NFATC2: variants seen among roughly 807,000 people sequenced by gnomAD.
NFATC2 encodes the protein nuclear factor of activated T cells 2, also known as nuclear factor of activated T-cells, cytoplasmic 2.
A neutral mutation model predicts 87.3 loss-of-function variants in NFATC2; 22 were observed. That is an observed-to-expected ratio of 0.25 (90% confidence interval 0.18 to 0.36). NFATC2 has a LOEUF of 0.36. Ranked by LOEUF, NFATC2 falls within the 10% of genes least tolerant of loss-of-function variation. The pLI is 1.00. For synonymous variants in NFATC2, 565 were observed against 542.2 expected (o/e 1.04, Z -0.58); for missense variants, 1,149 against 1,259.1 (o/e 0.91, Z 1.32).
chr20:51,466,560 AC>A (rs1365106455), intron 5 of NFATC2, among the ~76,000 whole-genome samples: 1 of 152,052 alleles, frequency 6.6e-6, no homozygotes, highest in Non-Finnish European at 1.5e-5. Context: ...ATGGAGCTGG[AC>A]CCTACCCCAC....
rs1986042070 is a variant in NFATC2, at chr20:51,388,876, CT to C, written c.*2619del. On this transcript the variant is annotated 3_prime_UTR_variant, in exon 11 of 11. Transcript: ENST00000371564. ...CATCTTTACCATTTAGACACCCCTA[CT>C]TTCTCATTCTCTTAGAGGATCTTAT... 1 of 152,192 alleles carries C rather than the reference CT, an allele frequency of 6.6e-6. No individual in the cohort carries two copies. The highest frequency in any genetic ancestry group is 2.1e-4 in the South Asian group (1 of 4,828). The allele number at this position is 152,192 out of a possible 1,614,324, so 9.4% of individuals were successfully genotyped here.
At position 51,523,890 on chromosome 20, in the gene NFATC2, C is replaced by G; in HGVS notation, c.351G>C (p.Pro117=). The change falls in exon 2 of 11, where the codon CCG becomes CCC. Residue 117 remains proline (P), a synonymous_variant. Transcript: ENST00000371564. The surrounding 1 kb of genome is among the most constrained non-coding windows in gnomAD (Gnocchi z 6.9). The stretch of plus-strand genomic sequence containing the variant: ...CCACTGCCTGGATCAGTTCGTGGGA[C>G]GGAGTGATCTCGATCCGAGGGCTCA... The part of the protein sequence containing the change: ...SGLSPRIEIT[P]SHELIQAVGP... 3 of 1,606,166 alleles carry G rather than the reference C, an allele frequency of 1.9e-6. No individual in the cohort carries two copies. Among genetic ancestry groups the G allele is most frequent in the Non-Finnish European group, 2.5e-6 (3 of 1,177,596 alleles).
chr20:51,467,001 G>C (rs886609431), intron 5 of NFATC2, among the ~76,000 whole-genome samples: 4 of 150,812 alleles, frequency 2.7e-5, no homozygotes, highest in African/African-American at 7.3e-5. Context: ...CAACCTGGGA[G>C]GTAGAGGTCA....
intron 5 of NFATC2, among the ~76,000 whole-genome samples, chr20:51,461,895 C>T (rs1308620334): frequency 6.6e-6 from 1 of 152,160 alleles, no homozygotes; most frequent in African/African-American, 2.4e-5. Context: ...GTGGGCAGAT[C>T]ACTTGAGGTC....
intron 3 of NFATC2, among the ~76,000 whole-genome samples, chr20:51,493,499 C>T (rs1414944566): frequency 6.6e-6 from 1 of 152,174 alleles, no homozygotes; most frequent in Non-Finnish European, 1.5e-5. Context: ...GGGAATGTCC[C>T]AGACTGACAC....
At chr20:51,492,030 G>T (rs2075899951) in intron 3 of NFATC2, among the ~76,000 whole-genome samples, 1 of 151,776 alleles carries the variant, frequency 6.6e-6, no homozygotes, top group Non-Finnish European at 1.5e-5. Context: ...AACACCCCTT[G>T]TTCACTGGCC....
At chr20:51,475,018 G>A (rs141885330) in intron 4 of NFATC2, among the ~76,000 whole-genome samples, 1,568 of 150,504 alleles carry the variant, frequency 0.01, 15 homozygotes, top group Middle Eastern at 0.045. Context: ...ACCCAGGCTG[G>A]AGTGCAGTAG....
intron 6 of NFATC2, among the ~76,000 whole-genome samples, chr20:51,436,852 C>T (rs1244571827): frequency 6.6e-6 from 1 of 152,206 alleles, no homozygotes; most frequent in East Asian, 1.9e-4. Flanking sequence ...CTGACTGTCC[C>T]AGACACGCCT....
chr20:51,471,405 A>ATT (rs1988189215), intron 5 of NFATC2, among the ~76,000 whole-genome samples: 1 of 152,222 alleles, frequency 6.6e-6, no homozygotes, highest in Non-Finnish European at 1.5e-5. Flanking sequence ...CATGACCAGC[A>ATT]TTTGATGGAC....
intron 5 of NFATC2, among the ~76,000 whole-genome samples, chr20:51,465,180 G>C (rs1173364620): frequency 6.6e-6 from 1 of 152,174 alleles, no homozygotes; most frequent in Non-Finnish European, 1.5e-5. Context: ...CTGAGGTCAG[G>C]AGTTTGAGAC....
intron 3 of NFATC2, among the ~76,000 whole-genome samples, chr20:51,496,923 G>T (rs2075998262): frequency 6.6e-6 from 1 of 152,186 alleles, no homozygotes; most frequent in African/African-American, 2.4e-5. Flanking sequence ...GACTGAATGG[G>T]CATTGCTGCC....
chr20:51,468,271 G>T (rs557670482), intron 5 of NFATC2, among the ~76,000 whole-genome samples: 1 of 152,082 alleles, frequency 6.6e-6, no homozygotes, highest in African/African-American at 2.4e-5. Flanking sequence ...AAAAATCACT[G>T]AACACCTACA....
intron 6 of NFATC2, among the ~76,000 whole-genome samples, chr20:51,440,464 T>A (rs1168296443): frequency 6.6e-6 from 1 of 152,156 alleles, no homozygotes; most frequent in African/African-American, 2.4e-5. Flanking sequence ...CTGGAGGGAA[T>A]TTATGAAGCG....
intron 1 of NFATC2, among the ~76,000 whole-genome samples, chr20:51,561,499 G>A (rs1360852071): frequency 7.6e-6 from 1 of 131,636 alleles, no homozygotes; most frequent in Non-Finnish European, 1.7e-5. Context: ...AAGCAAGCAA[G>A]CAAGCAAGCA....
rs192006114 is a variant in NFATC2 at position 51,555,045 on chromosome 20, A to G, written c.70+7515T>C. Among the ~76,000 whole-genome samples the G allele has an allele frequency of 3.3e-5, 5 of 152,220 alleles. No homozygotes were observed. In the East Asian group the frequency reaches 5.8e-4, roughly 18 times the overall value. On this transcript the variant is annotated intron_variant, in intron 1 of 10. Coordinates refer to the NFATC2 transcript ENST00000414705. ...TGAGAACCCTAAAGGAGAAAGCTCT[A>G]TGGACTGGGAGGCACTGCTTCTGAG...
At chr20:51,516,477 CCTT>C (rs1471531230) in intron 3 of NFATC2, among the ~76,000 whole-genome samples, 11 of 152,290 alleles carry the variant, frequency 7.2e-5, no homozygotes, top group Non-Finnish European at 1.3e-4. Flanking sequence ...GTTTCAGAAA[CCTT>C]CTGTCAACAC....
At chr20:51,456,611 C>T (rs774168017) in intron 5 of NFATC2, among the ~76,000 whole-genome samples, 3 of 152,222 alleles carry the variant, frequency 2.0e-5, no homozygotes, top group African/African-American at 4.8e-5. Flanking sequence ...CTCCTTCCAG[C>T]GTGGGCCAAG....
chr20:51,487,219 T>C (rs997692678), intron 3 of NFATC2, among the ~76,000 whole-genome samples: 2 of 152,196 alleles, frequency 1.3e-5, no homozygotes, highest in Non-Finnish European at 2.9e-5. Context: ...GAATGCAGCT[T>C]GCAGAAACTC....
chr20:51,540,181 T>C (rs2076783377), intron 1 of NFATC2, among the ~76,000 whole-genome samples: 1 of 152,136 alleles, frequency 6.6e-6, no homozygotes, highest in Admixed American at 6.5e-5. Context: ...CCTGGCTAAT[T>C]TGTGTATTTT....
Sources: allele counts gnomAD v4.1 joint callset (sites outside exome capture counted in the v4.1 genomes callset), GRCh38; gene constraint gnomAD v4.1.1; non-coding constraint Gnocchi (gnomAD v3.1); transcripts MANE v1.5; gene names NCBI Gene and HGNC (gene_info 2026-07-23, HGNC 2026-07-21).